Variants in FDCSP observed in about 807,000 individuals in gnomAD.
FDCSP encodes follicular dendritic cell secreted peptide.
In FDCSP, 8 loss-of-function variants were observed where a neutral mutation model predicts 8.9. The observed-to-expected ratio is 0.90, with a 90% CI of 0.53 to 1.63. The LOEUF is 1.63. Ranked by LOEUF, FDCSP falls within the 40% of genes most tolerant of loss-of-function variation. The probability of loss-of-function intolerance (pLI) is 0.00; values close to 1 mark genes in which losing one functional copy is unlikely to be tolerated. For missense variants in FDCSP, 101 were observed against 103.6 expected (o/e 0.98, Z 0.11); for synonymous variants, 34 against 34.5 (o/e 0.98, Z 0.06).
chr4:70,229,626 T>A (rs1578247725), intron 1 of FDCSP, among the ~76,000 whole-genome samples: 1 of 151,640 alleles, frequency 6.6e-6, no homozygotes, highest in Non-Finnish European at 1.5e-5. Flanking sequence ...GGCCCAGATT[T>A]AATATTATCA....
chr4:70,227,619 A>G (rs1162031822), intron 1 of FDCSP, among the ~76,000 whole-genome samples: 1 of 151,696 alleles, frequency 6.6e-6, no homozygotes, highest in Non-Finnish European at 1.5e-5. Flanking sequence ...ATAACAATGT[A>G]ACAGTGAGCT....
chr4:70,229,665 G>C (rs1302080529), intron 1 of FDCSP, among the ~76,000 whole-genome samples: 1 of 151,648 alleles, frequency 6.6e-6, no homozygotes. Flanking sequence ...AGCCTGAGGA[G>C]AGGAAGAGAT....
intron 4 of FDCSP, 71 bp downstream of exon 4, chr4:70,234,286 A>G (rs987965633): frequency 1.5e-6 from 2 of 1,309,824 alleles, no homozygotes; most frequent in Non-Finnish European, 2.1e-6. Context: ...TCAAGGAAAA[A>G]AAAATGTTAA....
rs573205150 is a variant in FDCSP, at chr4:70,230,783, A to G, written c.1-412A>G. Among the ~76,000 whole-genome samples the G allele has an allele frequency of 8.6e-5, 13 of 151,872 alleles. No individual in the cohort carries two copies. In the East Asian group the frequency reaches 2.3e-3, roughly 27 times the overall value. On this transcript the variant is annotated intron_variant, in intron 1 of 4. Coordinates refer to ENST00000317987, the MANE Select transcript of FDCSP (RefSeq NM_152997.4). ...AATAACCGCTTACTTCCAAACTAAC[A>G]TTCTCTGTATAAACCAATGCATTAT...
Position 70,233,134 on chromosome 4 carries a change from A to T in FDCSP, c.90+108A>T, listed in dbSNP as rs564300922. The T allele has an allele frequency of 6.9e-5, 67 of 969,880 alleles. No individual in the cohort carries two copies. The African/African-American group carries it at 9.3e-4, about 13-fold the overall frequency. 60.1% of individuals were successfully genotyped at this position (969,880 alleles called of 1,614,324 possible). ...AACCTCCCAAACTGTGGAGAGATTC[A>T]TAAAGAGCTTTTGGTATTAGCACTC... On this transcript the variant is annotated intron_variant, in intron 3 of 4. Coordinates refer to ENST00000317987, the MANE Select transcript of FDCSP (RefSeq NM_152997.4).
At chr4:70,233,076 T>C (rs778217047) in intron 3 of FDCSP, 50 bp downstream of exon 3, 1 of 1,439,606 alleles carries the variant, frequency 6.9e-7, no homozygotes. Context: ...CGTGAAATAT[T>C]CATAACTATT....
chr4:70,232,860 A>T, intron 2 of FDCSP, 134 bp from the exon 3 acceptor site: 1 of 787,568 alleles, frequency 1.3e-6, no homozygotes. Context: ...CTACATTTCT[A>T]GACAAATTAT....
rs4635879 is a variant in FDCSP, at chr4:70,231,965, A to T, written c.57+714A>T. 7.3e-3 allele frequency among the ~76,000 whole-genome samples: 1,115 copies of T among 151,900 alleles called. 13 individuals carry two copies. The highest frequency in any genetic ancestry group is 0.025 in the African/African-American group (1,051 of 41,506). On this transcript the variant is annotated intron_variant, in intron 2 of 4. Coordinates refer to ENST00000317987, the MANE Select transcript of FDCSP (RefSeq NM_152997.4). ...TTAAACAAAATAGTTTAAAAGTAAA[A>T]AAGAAAAAGCATATAGAATAAGGAT...
chr4:70,228,469 A>G (rs545817671), intron 1 of FDCSP, among the ~76,000 whole-genome samples: 14 of 151,910 alleles, frequency 9.2e-5, no homozygotes, highest in African/African-American at 3.4e-4. Context: ...ACTTCTCCCA[A>G]ACTCCTGTAA....
Position 70,234,222 on chromosome 4 carries a change from A to G in FDCSP, c.*28+7A>G. 1.3e-6 allele frequency: 2 copies of G among 1,544,000 alleles called. No individual in the cohort carries two copies. Among genetic ancestry groups the G allele is most frequent in the South Asian group, 2.5e-5 (2 of 81,120 alleles). On this transcript the variant is annotated splice_region_variant and intron_variant, in intron 4 of 4. Transcript: ENST00000317987. ...AAAAGTCACGATAAACCTGGTAAGT[A>G]CACATAGTTACAATCATAGTTTATT...
chr4:70,229,673 G>A (rs1406461878), intron 1 of FDCSP, among the ~76,000 whole-genome samples: 1 of 151,620 alleles, frequency 6.6e-6, no homozygotes, highest in Non-Finnish European at 1.5e-5. Flanking sequence ...GAGAGGAAGA[G>A]ATAACTGGGG....
intron 1 of FDCSP, among the ~76,000 whole-genome samples, chr4:70,229,071 T>C (rs1730036901): frequency 6.6e-6 from 1 of 151,844 alleles, no homozygotes; most frequent in South Asian, 2.1e-4. Context: ...ATGGTATCTT[T>C]CTCCAAAATA....
At chr4:70,230,181 A>G (rs1055462448) in intron 1 of FDCSP, among the ~76,000 whole-genome samples, 3 of 151,556 alleles carry the variant, frequency 2.0e-5, no homozygotes, top group Non-Finnish European at 4.4e-5. Context: ...GCCAATCTCC[A>G]TTTTCAACTT....
intron 1 of FDCSP, among the ~76,000 whole-genome samples, chr4:70,229,589 T>A (rs1730045191): frequency 6.6e-6 from 1 of 151,732 alleles, no homozygotes; most frequent in Non-Finnish European, 1.5e-5. Context: ...ACTAGAACAC[T>A]TAGAAGGCAT....
intron 1 of FDCSP, among the ~76,000 whole-genome samples, chr4:70,229,601 G>C (rs1730045335): frequency 6.6e-6 from 1 of 151,762 alleles, no homozygotes; most frequent in South Asian, 2.1e-4. Flanking sequence ...AGAAGGCATT[G>C]TAGGGTTATT....
intron 1 of FDCSP, among the ~76,000 whole-genome samples, chr4:70,228,544 A>G (rs1428394535): frequency 6.6e-6 from 1 of 151,712 alleles, no homozygotes; most frequent in Non-Finnish European, 1.5e-5. Context: ...AGTGGTGTAT[A>G]TTTTACAGAA....
intron 1 of FDCSP, among the ~76,000 whole-genome samples, chr4:70,228,411 C>T (rs1730023688): frequency 6.6e-6 from 1 of 151,786 alleles, no homozygotes; most frequent in African/African-American, 2.4e-5. Context: ...GTTACTTCCT[C>T]CACTGAAGTC....
chr4:70,234,342 T>A, intron 4 of FDCSP, 127 bp downstream of exon 4: 1 of 728,210 alleles, frequency 1.4e-6, no homozygotes, highest in Admixed American at 3.1e-5. Context: ...GTTTTAATGT[T>A]TTTCTCTGGT....
intron 1 of FDCSP, among the ~76,000 whole-genome samples, chr4:70,227,419 C>T (rs1161948923): frequency 6.6e-6 from 1 of 151,598 alleles, no homozygotes; most frequent in Non-Finnish European, 1.5e-5. Context: ...CAAAACTTTG[C>T]TACATTTTTT....
Sources: allele counts gnomAD v4.1 joint callset (sites outside exome capture counted in the v4.1 genomes callset), GRCh38; gene constraint gnomAD v4.1.1; transcripts MANE v1.5; gene names NCBI Gene and HGNC (gene_info 2026-07-23, HGNC 2026-07-21).